Variants in LINC00305 observed in about 807,000 individuals in gnomAD.
LINC00305 encodes long intergenic non-protein coding RNA 305.
At chr18:64,131,719 A>G (rs900470895) in intron 1 of LINC00305, among the ~76,000 whole-genome samples, 14 of 152,212 alleles carry the variant, frequency 9.2e-5, no homozygotes, top group Admixed American at 6.5e-4. Context: ...TTGCTAGCAA[A>G]GTACTAGAAA....
chr18:64,106,147 A>T (rs994192424), intron 1 of LINC00305, among the ~76,000 whole-genome samples: 1 of 152,234 alleles, frequency 6.6e-6, no homozygotes, highest in Non-Finnish European at 1.5e-5. Context: ...TTAATGCTAC[A>T]GAACCTCAGC....
At chr18:64,121,295 C>T (rs1284878557) in intron 1 of LINC00305, among the ~76,000 whole-genome samples, 1 of 151,880 alleles carries the variant, frequency 6.6e-6, no homozygotes. Flanking sequence ...GTATCCATCA[C>T]CCAAATAACG....
At chr18:64,128,187 A>C (rs2051393603) in intron 1 of LINC00305, among the ~76,000 whole-genome samples, 1 of 152,154 alleles carries the variant, frequency 6.6e-6, no homozygotes, top group African/African-American at 2.4e-5. Flanking sequence ...TGACTTTCTA[A>C]AGATTTAAAT....
chr18:64,115,912 A>T (rs1160513818), intron 1 of LINC00305, among the ~76,000 whole-genome samples: 2 of 152,154 alleles, frequency 1.3e-5, no homozygotes, highest in Admixed American at 6.5e-5. Flanking sequence ...TTTCTACGGG[A>T]GGATAGGAGC....
At chr18:64,096,032 T>TA (rs144843900) in intron 3 of LINC00305, among the ~76,000 whole-genome samples, 39 of 151,220 alleles carry the variant, frequency 2.6e-4, no homozygotes, top group East Asian at 3.9e-4. Context: ...ATGGTCCTGA[T>TA]AAAAAAAAAT....
At chr18:64,130,806 T>A (rs1486721714) in intron 1 of LINC00305, among the ~76,000 whole-genome samples, 1 of 152,160 alleles carries the variant, frequency 6.6e-6, no homozygotes, top group Non-Finnish European at 1.5e-5. Context: ...TTGAACCACC[T>A]TGTTCAATAA....
At chr18:64,087,486 G>C (rs1232079741) in intron 3 of LINC00305, among the ~76,000 whole-genome samples, 1 of 152,114 alleles carries the variant, frequency 6.6e-6, no homozygotes, top group Non-Finnish European at 1.5e-5. Flanking sequence ...TTAGTAAGTT[G>C]ATATTTTGGA....
At chr18:64,097,865 C>G (rs1349766044) in exon 3 of LINC00305, 1 of 457,996 alleles carries the variant, frequency 2.2e-6, no homozygotes, top group East Asian at 6.9e-5. Context: ...TGTAGAATCT[C>G]ACTCTAACCA....
intron 1 of LINC00305, among the ~76,000 whole-genome samples, chr18:64,115,142 C>T (rs2849305): frequency 0.12 from 17,724 of 152,216 alleles, 1,250 homozygotes; most frequent in Non-Finnish European, 0.16. Flanking sequence ...CACTCATCTC[C>T]GCCTTATCTT....
At chr18:64,091,380 T>C (rs1450685280) in intron 3 of LINC00305, among the ~76,000 whole-genome samples, 2 of 152,210 alleles carry the variant, frequency 1.3e-5, no homozygotes, top group South Asian at 2.1e-4. Flanking sequence ...CTCTCTCTGC[T>C]CACATGGATG....
chr18:64,122,859 A>G (rs571681810), intron 1 of LINC00305, among the ~76,000 whole-genome samples: 4 of 152,058 alleles, frequency 2.6e-5, no homozygotes, highest in Non-Finnish European at 5.9e-5. Flanking sequence ...TTTATCTATG[A>G]TTTCTTTCAT....
intron 1 of LINC00305, chr18:64,104,219 C>A (rs973991705): frequency 1.3e-5 from 2 of 152,184 alleles, no homozygotes; most frequent in East Asian, 3.9e-4. Context: ...CTTCTAGATG[C>A]ATATTGTGGG....
intron 1 of LINC00305, among the ~76,000 whole-genome samples, chr18:64,112,382 A>G (rs902454360): frequency 1.3e-5 from 2 of 152,170 alleles, no homozygotes; most frequent in Admixed American, 6.5e-5. Context: ...CCTGAAGAAC[A>G]ATGGGAACAT....
At chr18:64,106,180 T>G (rs1259315245) in intron 1 of LINC00305, among the ~76,000 whole-genome samples, 1 of 152,244 alleles carries the variant, frequency 6.6e-6, no homozygotes, top group Non-Finnish European at 1.5e-5. Flanking sequence ...CCCTTCAATT[T>G]GGAAGTGTTG....
chr18:64,126,736 G>A (rs1461758804), intron 1 of LINC00305, among the ~76,000 whole-genome samples: 3 of 152,046 alleles, frequency 2.0e-5, no homozygotes, highest in Non-Finnish European at 4.4e-5. Context: ...GTTTCATGTT[G>A]CTTACAGACT....
chr18:64,104,596 G>C lies in LINC00305; in HGVS notation n.315-5956C>G, dbSNP rs575211173. On this transcript the variant is annotated intron_variant and non_coding_transcript_variant, in intron 1 of 3. Transcript: ENST00000666468. ...AGAAGTGTGATTGGGTTCCCTGACT[G>C]GGATTTATTGTACAGCAGATTTTGT... Among the ~76,000 whole-genome samples, 33 of 152,288 alleles carry C rather than the reference G, an allele frequency of 2.2e-4. No individual in the cohort carries two copies. In the South Asian group the frequency reaches 6.4e-3, roughly 30 times the overall value.
At chr18:64,133,200 C>G (rs2051417811) in intron 1 of LINC00305, among the ~76,000 whole-genome samples, 1 of 152,060 alleles carries the variant, frequency 6.6e-6, no homozygotes, top group African/African-American at 2.4e-5. Context: ...AAGCCATCTG[C>G]TAACATTTCT....
chr18:64,099,965 A>G (rs888573249), intron 1 of LINC00305, among the ~76,000 whole-genome samples: 1 of 152,212 alleles, frequency 6.6e-6, no homozygotes, highest in Admixed American at 6.5e-5. Context: ...TGCCCTGGGC[A>G]TTAATATAAA....
intron 1 of LINC00305, among the ~76,000 whole-genome samples, chr18:64,129,245 C>A (rs898552874): frequency 1.3e-5 from 2 of 152,076 alleles, no homozygotes; most frequent in African/African-American, 4.8e-5. Context: ...AAAATTAACA[C>A]CTAGTTGAAC....
Sources: allele counts gnomAD v4.1 joint callset (sites outside exome capture counted in the v4.1 genomes callset), GRCh38; gene constraint gnomAD v4.1.1; transcripts MANE v1.5; gene names NCBI Gene and HGNC (gene_info 2026-07-23, HGNC 2026-07-21).